The following GAB2 variants were observed in gnomAD, a reference collection of about 807,000 sequenced individuals.
GAB2 encodes GRB2-associated-binding protein 2.
A neutral mutation model predicts 65.5 loss-of-function variants in GAB2; 26 were observed. The observed-to-expected ratio is 0.40, with a 90% confidence interval of 0.29 to 0.55. GAB2 has a LOEUF of 0.55. Ranked by LOEUF, GAB2 falls within the 20% of genes least tolerant of loss-of-function variation. GAB2 has a pLI of 0.53. For synonymous variants in GAB2, 321 were observed against 329.6 expected (o/e 0.97, Z 0.28); for missense variants, 884 against 875.8 (o/e 1.01, Z -0.12).
intron 1 of GAB2, among the ~76,000 whole-genome samples, chr11:78,408,540 T>C (rs1857084810): frequency 6.6e-6 from 1 of 152,296 alleles, no homozygotes; most frequent in East Asian, 1.9e-4. Context: ...ATATTAGAAA[T>C]TATATTAAGT....
intron 2 of GAB2, among the ~76,000 whole-genome samples, chr11:78,252,846 CAGTG>C (rs1357377762): frequency 6.6e-6 from 1 of 152,108 alleles, no homozygotes; most frequent in Non-Finnish European, 1.5e-5. Flanking sequence ...TTCCCTGTCT[CAGTG>C]AGGTCCATCA....
chr11:78,312,550 C>T lies in GAB2; in HGVS notation c.76-31649G>A, dbSNP rs551490669. Among the ~76,000 whole-genome samples the T allele has an allele frequency of 4.6e-5, 7 of 152,230 alleles. No homozygotes were observed. The East Asian group carries it at 7.7e-4, about 17-fold the overall frequency. On this transcript the variant is annotated intron_variant, in intron 1 of 9. Coordinates refer to ENST00000361507, the MANE Select transcript of GAB2 (RefSeq NM_080491.3). ...AAGCAATTCCCCTGCCTCAGCCTCC[C>T]GAGTAGCTGGGATTACAGGTGCCCA...
intron 2 of GAB2, among the ~76,000 whole-genome samples, chr11:78,263,070 A>G (rs975879691): frequency 6.6e-6 from 1 of 152,222 alleles, no homozygotes; most frequent in Non-Finnish European, 1.5e-5. Flanking sequence ...CCCTTAGACT[A>G]AAAGTTCTCA....
chr11:78,317,496 G>A (rs558037597), intron 1 of GAB2, among the ~76,000 whole-genome samples: 1 of 143,534 alleles, frequency 7.0e-6, no homozygotes, highest in African/African-American at 2.6e-5. Flanking sequence ...GGAGGCGGAG[G>A]TTGCAGTGAG....
chr11:78,300,250 G>A (rs1009464789), intron 1 of GAB2, among the ~76,000 whole-genome samples: 6 of 151,392 alleles, frequency 4.0e-5, no homozygotes, highest in Non-Finnish European at 7.4e-5. Context: ...TGCACAACAT[G>A]AAGTTGTAAT....
At chr11:78,339,782 C>A (rs1856063024) in intron 1 of GAB2, among the ~76,000 whole-genome samples, 1 of 152,218 alleles carries the variant, frequency 6.6e-6, no homozygotes, top group South Asian at 2.1e-4. Context: ...GAAATCACTC[C>A]TCATAGATCA....
At chr11:78,299,986 A>C (rs1866947736) in intron 1 of GAB2, among the ~76,000 whole-genome samples, 1 of 152,158 alleles carries the variant, frequency 6.6e-6, no homozygotes, top group Non-Finnish European at 1.5e-5. Flanking sequence ...GATAACGTAA[A>C]ATGCATCCAT....
intron 1 of GAB2, among the ~76,000 whole-genome samples, chr11:78,333,390 G>A (rs1004797132): frequency 1.3e-5 from 2 of 152,030 alleles, no homozygotes; most frequent in African/African-American, 2.4e-5. Context: ...TTAGCATCCC[G>A]AGAGCTAGGA....
chr11:78,399,098 T>G (rs971976482), intron 1 of GAB2, among the ~76,000 whole-genome samples: 1 of 152,108 alleles, frequency 6.6e-6, no homozygotes, highest in Non-Finnish European at 1.5e-5. Context: ...AGCAAGTAAA[T>G]AAATAAGAAG....
chr11:78,281,920 C>T (rs1241723596), intron 1 of GAB2, among the ~76,000 whole-genome samples: 7 of 152,204 alleles, frequency 4.6e-5, no homozygotes, highest in South Asian at 2.1e-4. Flanking sequence ...ATGTTACACA[C>T]AGTAAGTAGC....
chr11:78,318,708 G>A (rs115892920), intron 1 of GAB2, among the ~76,000 whole-genome samples: 2,874 of 152,180 alleles, frequency 0.019, 99 homozygotes, highest in African/African-American at 0.067. Context: ...ATTTCTAAAC[G>A]GTTTCTGACG....
chr11:78,364,106 A>C (rs548065395), intron 1 of GAB2: 1 of 152,284 alleles, frequency 6.6e-6, no homozygotes, highest in East Asian at 1.9e-4. Flanking sequence ...AGAAGGTACT[A>C]AGGGCAATGA....
At chr11:78,361,993 A>G (rs1304440405) in intron 1 of GAB2, among the ~76,000 whole-genome samples, 1 of 152,110 alleles carries the variant, frequency 6.6e-6, no homozygotes, top group Non-Finnish European at 1.5e-5. Context: ...CAATTGATGT[A>G]CTACCACTCA....
intron 1 of GAB2, among the ~76,000 whole-genome samples, chr11:78,394,403 A>G (rs994577819): frequency 2.6e-5 from 4 of 152,220 alleles, no homozygotes; most frequent in Non-Finnish European, 4.4e-5. Context: ...CAGAGATAAG[A>G]GGGGAAATCT....
chr11:78,338,156 C>T (rs964664482), intron 1 of GAB2, among the ~76,000 whole-genome samples: 1 of 152,172 alleles, frequency 6.6e-6, no homozygotes, highest in Non-Finnish European at 1.5e-5. Context: ...ATTGAATGTT[C>T]AATGTTCAAT....
chr11:78,216,877 C>T lies in GAB2; in HGVS notation c.*2395G>A, dbSNP rs2134442712. 1 of 152,378 alleles carries T rather than the reference C, an allele frequency of 6.6e-6. No homozygotes were observed. Among genetic ancestry groups the T allele is most frequent in the Non-Finnish European group, 1.5e-5 (1 of 68,090 alleles). The allele number at this position is 152,378 out of a possible 1,614,324, so 9.4% of individuals were successfully genotyped here. On this transcript the variant is annotated 3_prime_UTR_variant, in exon 10 of 10. Transcript: ENST00000361507. Reference sequence around the variant, plus strand: ...GGGCTGGGCAGAGTGAACCAGCACCCTGCCAACTCTGCCCAGTGTAGCTAC... The same window carrying T: ...GGGCTGGGCAGAGTGAACCAGCACCTTGCCAACTCTGCCCAGTGTAGCTAC...
chr11:78,251,704 C>T (rs1230580082), intron 2 of GAB2, among the ~76,000 whole-genome samples: 17 of 152,246 alleles, frequency 1.1e-4, no homozygotes, highest in Admixed American at 1.0e-3. Flanking sequence ...TTAGACCCTA[C>T]ACAGATATCA....
chr11:78,300,161 ATAGAT>A (rs944451597), intron 1 of GAB2, among the ~76,000 whole-genome samples: 14 of 152,240 alleles, frequency 9.2e-5, no homozygotes, highest in South Asian at 2.1e-4. Flanking sequence ...TGCTGTTACT[ATAGAT>A]TAAATTTGTC....
At chr11:78,270,972 T>C (rs545181002) in intron 2 of GAB2, among the ~76,000 whole-genome samples, 1 of 152,378 alleles carries the variant, frequency 6.6e-6, no homozygotes, top group East Asian at 1.9e-4. Flanking sequence ...TAGCTGCCTT[T>C]CGGAGTCCCT....
Sources: gnomAD v4.1 joint callset for allele counts (sites outside exome capture counted in the v4.1 genomes callset) on GRCh38, gnomAD v4.1.1 for gene constraint, MANE v1.5 for transcripts, NCBI Gene and HGNC (gene_info 2026-07-23, HGNC 2026-07-21) for gene names.